PARD3B: variants seen among roughly 807,000 people sequenced by gnomAD.
The protein encoded by PARD3B is par-3 family cell polarity regulator beta.
Under a neutral mutation model 130.2 loss-of-function variants are expected in PARD3B, and 103 were observed. The observed-to-expected ratio is 0.79, with a 90% CI of 0.67 to 0.93. The LOEUF (loss-of-function observed/expected upper bound fraction) is 0.93. PARD3B is among the 40% of genes least tolerant of loss of function. The probability of loss-of-function intolerance (pLI) is 0.00; values close to 1 mark genes in which losing one functional copy is unlikely to be tolerated. For missense variants in PARD3B, 1,609 were observed against 1,499.2 expected (o/e 1.07, Z -1.21); for synonymous variants, 583 against 553.2 (o/e 1.05, Z -0.76).
chr2:205,035,454 T>C (rs1162430243), intron 3 of PARD3B, among the ~76,000 whole-genome samples: 1 of 152,072 alleles, frequency 6.6e-6, no homozygotes, highest in Admixed American at 6.6e-5. Flanking sequence ...ATTATTTGCT[T>C]ATAATTGTAT....
intron 15 of PARD3B, among the ~76,000 whole-genome samples, chr2:205,220,162 A>G (rs929655298): frequency 1.3e-5 from 2 of 152,126 alleles, no homozygotes; most frequent in Non-Finnish European, 2.9e-5. Flanking sequence ...TCATTTTAAA[A>G]CACAAATCTG....
At chr2:204,671,078 G>C (rs1222900943) in intron 1 of PARD3B, among the ~76,000 whole-genome samples, 2 of 152,042 alleles carry the variant, frequency 1.3e-5, no homozygotes, top group East Asian at 3.9e-4. Context: ...CCCATCTCTT[G>C]TGTGTTGGGT....
intron 21 of PARD3B, among the ~76,000 whole-genome samples, chr2:205,503,026 CCT>C (rs1491240588): frequency 6.6e-6 from 1 of 150,426 alleles, no homozygotes; most frequent in Non-Finnish European, 1.5e-5. Context: ...TCCCCTCTCC[CCT>C]CTCTCTTCTC....
At chr2:204,780,297 T>G (rs987739256) in intron 2 of PARD3B, among the ~76,000 whole-genome samples, 1 of 152,130 alleles carries the variant, frequency 6.6e-6, no homozygotes, top group Admixed American at 6.6e-5. Context: ...CATGACCCTT[T>G]CCTGGGTAAC....
At position 205,276,440 on chromosome 2, in the gene PARD3B, TCTGGTGAAAAGCTTCACCAAGAAAA is replaced by T. The variant is rs1477549785; in HGVS notation, c.2186-24089_2186-24065del. On this transcript the variant is annotated intron_variant, in intron 16 of 22. Coordinates refer to ENST00000406610, the MANE Select transcript of PARD3B (RefSeq NM_001302769.2). The surrounding 1 kb of genome is among the most constrained non-coding windows in gnomAD (Gnocchi z 5.0). The stretch of plus-strand genomic sequence containing the variant: ...CTTAACAGAAGAAACAACAAGTAAA[TCTGGTGAAAAGCTTCACCAAGAAAA>T]TGCTTTCTGAAAGAATTTAAAAGAA... Among the ~76,000 whole-genome samples the T allele has an allele frequency of 6.6e-6, 1 of 152,162 alleles. No individual in the cohort carries two copies. Among genetic ancestry groups the T allele is most frequent in the African/African-American group, 2.4e-5 (1 of 41,438 alleles).
intron 4 of PARD3B, among the ~76,000 whole-genome samples, chr2:205,058,087 A>G (rs536129341): frequency 6.6e-6 from 1 of 151,830 alleles, no homozygotes; most frequent in Non-Finnish European, 1.5e-5. Context: ...TTTCCTTGGC[A>G]ACCACCATTC....
chr2:204,915,991 C>T (rs1026626000), intron 2 of PARD3B, among the ~76,000 whole-genome samples: 2 of 152,092 alleles, frequency 1.3e-5, no homozygotes, highest in African/African-American at 4.8e-5. Flanking sequence ...CAGTTGATTC[C>T]CAGTCCAGTA....
chr2:205,553,706 C>T (rs2052752141), intron 22 of PARD3B, among the ~76,000 whole-genome samples: 1 of 152,204 alleles, frequency 6.6e-6, no homozygotes, highest in South Asian at 2.1e-4. Context: ...CCGCACCAAG[C>T]TTAGAGACAA....
chr2:205,077,043 C>T (rs899742229), intron 4 of PARD3B, among the ~76,000 whole-genome samples: 3 of 152,158 alleles, frequency 2.0e-5, no homozygotes, highest in Non-Finnish European at 4.4e-5. Context: ...TCATTAATAG[C>T]AACAAAGTTG....
rs138691783 is a variant in PARD3B, at chr2:205,474,045, A to G, written c.3045-25851A>G. Among the ~76,000 whole-genome samples, 787 of 152,086 alleles carry G rather than the reference A, an allele frequency of 5.2e-3. 7 individuals are homozygous for G. The highest frequency in any genetic ancestry group is 0.018 in the African/African-American group (735 of 41,558). On this transcript the variant is annotated intron_variant, in intron 20 of 22. Coordinates refer to ENST00000406610, the MANE Select transcript of PARD3B (RefSeq NM_001302769.2). ...CCACAACCCGGTAATAAGGGAAGAT[A>G]GAGATGCTGAATCTGGTAGAAGAGA... is the stretch of plus-strand genomic sequence containing the variant.
At chr2:204,821,084 T>C (rs1054499833) in intron 2 of PARD3B, among the ~76,000 whole-genome samples, 3 of 152,178 alleles carry the variant, frequency 2.0e-5, no homozygotes, top group African/African-American at 7.2e-5. Context: ...AATGGAGATA[T>C]ACATTAGGAG....
At chr2:204,556,321 A>T (rs1160985006) in intron 1 of PARD3B, among the ~76,000 whole-genome samples, 1 of 152,138 alleles carries the variant, frequency 6.6e-6, no homozygotes, top group Non-Finnish European at 1.5e-5. Flanking sequence ...CTTCACTCAC[A>T]TGTCTAGTGC....
chr2:205,360,047 C>T (rs540199368), intron 18 of PARD3B, among the ~76,000 whole-genome samples: 2 of 152,252 alleles, frequency 1.3e-5, no homozygotes, highest in East Asian at 3.9e-4. Context: ...TCTCATTTCC[C>T]AAGGTCTCCA....
At position 205,200,445 on chromosome 2, in the gene PARD3B, A is replaced by G. The variant is rs80023616; in HGVS notation, c.2140+7125A>G. The stretch of plus-strand genomic sequence containing the variant: ...GATTTTTTCCTTAAAGTCAAAGAAG[A>G]GTAAAGAAGGAAAAGGCACTCTTCA... On this transcript the variant is annotated intron_variant, in intron 15 of 22. Transcript: ENST00000406610. Among the ~76,000 whole-genome samples the G allele has an allele frequency of 9.0e-3, 1,364 of 152,338 alleles. 20 individuals are homozygous for G. Among genetic ancestry groups the G allele is most frequent in the African/African-American group, 0.031 (1,293 of 41,584 alleles).
intron 1 of PARD3B, among the ~76,000 whole-genome samples, chr2:204,628,741 A>C (rs560443315): frequency 6.2e-4 from 95 of 152,274 alleles, no homozygotes; most frequent in South Asian, 3.9e-3. Context: ...TATGTGGGAG[A>C]TTGCCTTTGA....
chr2:205,323,849 G>A (rs984820472), intron 18 of PARD3B, among the ~76,000 whole-genome samples: 4 of 152,164 alleles, frequency 2.6e-5, no homozygotes, highest in Non-Finnish European at 2.9e-5. Context: ...ATTAAAGATT[G>A]TCTTCTTTCT....
chr2:205,537,417 T>C (rs1163317645), intron 21 of PARD3B, among the ~76,000 whole-genome samples: 4 of 152,206 alleles, frequency 2.6e-5, no homozygotes, highest in Non-Finnish European at 5.9e-5. Flanking sequence ...GGTTCTCCTG[T>C]CTGCTGACCC....
In PARD3B at chr2:205,140,455, TG is replaced by T. The variant is rs1194793026; in HGVS notation, c.1434+14719del. Among the ~76,000 whole-genome samples the T allele has an allele frequency of 2.2e-4, 19 of 87,962 alleles. No homozygotes were observed. In the Admixed American group the frequency reaches 2.5e-3, roughly 11 times the overall value. 57.7% of individuals were successfully genotyped at this position (87,962 alleles called of 152,430 possible). A position where few individuals can be genotyped will look rare whatever the true frequency, so the allele number is the denominator to read the frequency against. Reference sequence around the variant, plus strand: ...ACATTAATTACCATAGTCCAGAGAGTGAAAAAAAAAAAAAAAAAGGAAGACC... The same window carrying T: ...ACATTAATTACCATAGTCCAGAGAGTAAAAAAAAAAAAAAAAAGGAAGACC... On this transcript the variant is annotated intron_variant, in intron 10 of 22. Transcript: ENST00000406610.
chr2:204,566,881 C>CTT (rs1232686164), intron 1 of PARD3B, among the ~76,000 whole-genome samples: 138 of 140,340 alleles, frequency 9.8e-4, no homozygotes, highest in East Asian at 2.9e-3. Context: ...TTCTAAACCT[C>CTT]TTTTTTTTTT....
Sources: gnomAD v4.1 joint callset for allele counts (sites outside exome capture counted in the v4.1 genomes callset) on GRCh38, gnomAD v4.1.1 for gene constraint, Gnocchi (gnomAD v3.1) non-coding constraint, MANE v1.5 for transcripts, NCBI Gene and HGNC (gene_info 2026-07-23, HGNC 2026-07-21) for gene names.